PDZD2: variants seen among roughly 807,000 people sequenced by gnomAD.
The protein encoded by PDZD2 is PDZ domain containing 2, also known as PDZ domain-containing protein 2.
In PDZD2, 90 loss-of-function variants were observed where a neutral mutation model predicts 220.7. The observed-to-expected ratio is 0.41, with a 90% CI of 0.34 to 0.49. The LOEUF is 0.49. Among genes scored for constraint, PDZD2 ranks in the 20% least tolerant of loss-of-function variants. PDZD2 has a pLI of 0.28. For missense variants in PDZD2, 3,174 were observed against 3,608.5 expected, an observed-to-expected ratio of 0.88 and a Z score of 3.08; for synonymous variants, 1,375 against 1,450.5, an observed-to-expected ratio of 0.95 and a Z score of 1.18.
chr5:32,052,446 C>T (rs762770314), intron 8 of PDZD2, 165 bp from the exon 9 acceptor site: 12 of 628,854 alleles, frequency 1.9e-5, no homozygotes, highest in Admixed American at 5.2e-5. Context: ...GTGCCCAGCA[C>T]CTGCGATAGT....
intron 2 of PDZD2, among the ~76,000 whole-genome samples, chr5:31,977,373 G>A (rs913963181): frequency 2.0e-5 from 3 of 152,112 alleles, no homozygotes; most frequent in African/African-American, 4.8e-5. Context: ...ATAGAATCCC[G>A]GCATAGATAA....
rs35923957 is a variant in PDZD2, at chr5:32,090,957, A to G, written c.7509A>G (p.Ala2503=). The change falls in exon 20 of 25, where the codon GCA becomes GCG. Residue 2503 remains alanine (A), a synonymous_variant. Transcript: ENST00000438447. The surrounding 1 kb of genome is among the most constrained non-coding windows in gnomAD (Gnocchi z 4.3). ...LDKLCSEDYS[A]GPSAVLFKTE... is the part of the protein sequence containing the mutation. ...AGCTCTGCAGCGAGGATTACTCAGC[A>G]GGGCCGAGCGCCGTGCTCTTCAAAA... The G allele has an allele frequency of 5.4e-3, 8,690 of 1,613,964 alleles. 414 individuals are homozygous for G. In the African/African-American group the frequency reaches 0.1, roughly 19 times the overall value.
chr5:31,646,900 ATTC>A lies in PDZD2; in HGVS notation c.-361+7464_-361+7466del, dbSNP rs1345593606. 8.3e-4 allele frequency among the ~76,000 whole-genome samples: 126 copies of A among 152,310 alleles called. No homozygotes were observed. Among genetic ancestry groups the A allele is most frequent in the African/African-American group, 2.9e-3 (120 of 41,578 alleles). On this transcript the variant is annotated intron_variant, in intron 1 of 24. Coordinates refer to ENST00000438447, the MANE Select transcript of PDZD2 (RefSeq NM_178140.4). This position sits in a 1 kb window ranked among gnomAD's most constrained non-coding sequence, Gnocchi z 4.7. ...GCTCCGAGTGTCCCCATCAGCGTGGATTCCCAAGAGAGAGCAGGCAGTGAGATG... is the reference window on the plus strand; with the variant it reads ...GCTCCGAGTGTCCCCATCAGCGTGGACCAAGAGAGAGCAGGCAGTGAGATG...
intron 1 of PDZD2, among the ~76,000 whole-genome samples, chr5:31,718,874 G>A (rs1438134060): frequency 6.6e-6 from 1 of 151,832 alleles, no homozygotes; most frequent in Non-Finnish European, 1.5e-5. Context: ...GTAATTTTTT[G>A]TATTTTAGTT....
intron 2 of PDZD2, among the ~76,000 whole-genome samples, chr5:31,904,889 T>G (rs938080731): frequency 6.6e-6 from 1 of 152,228 alleles, no homozygotes; most frequent in Non-Finnish European, 1.5e-5. Context: ...ATGTTGCTGC[T>G]TGTGTTTCAA....
chr5:31,702,848 G>A lies in PDZD2; in HGVS notation c.-361+63411G>A, dbSNP rs148597355. 4.3e-3 allele frequency among the ~76,000 whole-genome samples: 649 copies of A among 152,348 alleles called. 6 individuals carry two copies. The highest frequency in any genetic ancestry group is 0.015 in the African/African-American group (620 of 41,588). On this transcript the variant is annotated intron_variant, in intron 1 of 24. Coordinates refer to ENST00000438447, the MANE Select transcript of PDZD2 (RefSeq NM_178140.4). ...AACAGTCCTTTGAAACAAGAGACAT[G>A]TGTTTTTAATAGAATTGCAAGTTTT...
At chr5:31,882,512 G>A (rs1469101644) in intron 2 of PDZD2, among the ~76,000 whole-genome samples, 2 of 152,100 alleles carry the variant, frequency 1.3e-5, no homozygotes, top group Non-Finnish European at 2.9e-5. Flanking sequence ...TATTCCATGT[G>A]GATTATTATC....
intron 2 of PDZD2, among the ~76,000 whole-genome samples, chr5:31,951,325 C>T (rs1405916690): frequency 6.6e-6 from 1 of 152,182 alleles, no homozygotes; most frequent in Non-Finnish European, 1.5e-5. Flanking sequence ...GCCTCAGCCT[C>T]TCAAAATAGT....
intron 6 of PDZD2, among the ~76,000 whole-genome samples, chr5:32,019,682 TA>T: frequency 1.3e-5 from 2 of 152,334 alleles, no homozygotes; most frequent in South Asian, 2.1e-4. Context: ...GAAATACAGT[TA>T]AAAAAATTTC....
At chr5:32,081,308 A>G (rs1174014330) in intron 19 of PDZD2, among the ~76,000 whole-genome samples, 3 of 152,174 alleles carry the variant, frequency 2.0e-5, no homozygotes, top group Admixed American at 1.3e-4. Flanking sequence ...AGGTGCAGCT[A>G]TGTGTCCCTT....
At chr5:32,037,404 G>A in intron 7 of PDZD2, 62 bp downstream of exon 7, 2 of 938,924 alleles carry the variant, frequency 2.1e-6, no homozygotes, top group Non-Finnish European at 3.4e-6. Flanking sequence ...CAGGAGCAGG[G>A]AGATGAAGCC....
intron 1 of PDZD2, among the ~76,000 whole-genome samples, chr5:31,758,207 T>G (rs1041759138): frequency 1.3e-5 from 2 of 152,218 alleles, no homozygotes; most frequent in Non-Finnish European, 2.9e-5. Flanking sequence ...CTTAACTCAT[T>G]TGTATTTTGT....
chr5:32,053,761 G>C lies in PDZD2; in HGVS notation c.1786-8G>C, dbSNP rs779023748. 6.5e-7 allele frequency: 1 copy of C among 1,546,892 alleles called. No homozygotes were observed. Among genetic ancestry groups the C allele is most frequent in the Non-Finnish European group, 8.9e-7 (1 of 1,118,714 alleles). On this transcript the variant is annotated splice_region_variant and splice_polypyrimidine_tract_variant and intron_variant, in intron 9 of 24. Coordinates refer to ENST00000438447, the MANE Select transcript of PDZD2 (RefSeq NM_178140.4). ...GTCAACCTGGACTCTCATCTGCTTC[G>C]GATCTAGGGCCTTGGCTTTAGTATT...
intron 7 of PDZD2, among the ~76,000 whole-genome samples, chr5:32,044,316 C>G (rs1737721632): frequency 6.6e-6 from 1 of 152,044 alleles, no homozygotes; most frequent in African/African-American, 2.4e-5. Context: ...GCAACACCAG[C>G]AGAACTCCGT....
At chr5:31,873,578 T>TTTAA (rs1364909227) in intron 2 of PDZD2, among the ~76,000 whole-genome samples, 11 of 148,814 alleles carry the variant, frequency 7.4e-5, no homozygotes, top group Non-Finnish European at 1.5e-4. Context: ...TATTTATTTA[T>TTTAA]TTAATAAAGC....
chr5:31,683,919 T>G lies in PDZD2; in HGVS notation c.-361+44482T>G, dbSNP rs551501941. Among the ~76,000 whole-genome samples, 12 of 152,282 alleles carry G rather than the reference T, an allele frequency of 7.9e-5. No individual in the cohort carries two copies. The South Asian group carries it at 2.5e-3, about 32-fold the overall frequency. On this transcript the variant is annotated intron_variant, in intron 1 of 24. Coordinates refer to ENST00000438447, the MANE Select transcript of PDZD2 (RefSeq NM_178140.4). Reference sequence around the variant, plus strand: ...GTCCCTAAGAAAGGTTGCACAAATTTACACTCCCACCAAGAGTGTGGGAGA... The same window carrying G: ...GTCCCTAAGAAAGGTTGCACAAATTGACACTCCCACCAAGAGTGTGGGAGA...
chr5:31,995,588 C>T lies in PDZD2; in HGVS notation c.991C>T (p.Arg331Ter). 1.9e-6 allele frequency: 3 copies of T among 1,613,974 alleles called. No homozygotes were observed. Among genetic ancestry groups the T allele is most frequent in the East Asian group, 2.2e-5 (1 of 44,884 alleles). The change falls in exon 4 of 25, where the codon CGA (arginine) becomes TGA (stop). Residue 331 changes from arginine to a stop codon, truncating the protein, a stop_gained. Coordinates refer to ENST00000438447, the MANE Select transcript of PDZD2 (RefSeq NM_178140.4). LOFTEE classifies it high-confidence loss of function. ...SDCLAREEVGRIWKMELLKES... is the reference protein window; with the variant it reads ...SDCLAREEVG ...TTTTTCTTCCAAGGAGGAAGTTGGC[C>T]GAATATGGAAGATGGAGCTGCTCAA...
chr5:32,031,548 A>C (rs1344478463), intron 6 of PDZD2, among the ~76,000 whole-genome samples: 1 of 152,060 alleles, frequency 6.6e-6, no homozygotes, highest in African/African-American at 2.4e-5. Flanking sequence ...AGAAGATGGC[A>C]TGTCTTTGGA....
chr5:31,790,463 C>T (rs1007049003), intron 1 of PDZD2, among the ~76,000 whole-genome samples: 2 of 152,122 alleles, frequency 1.3e-5, no homozygotes, highest in Admixed American at 6.6e-5. Context: ...GGAAGGACAC[C>T]TTTTCTGGGG....
Sources: gnomAD v4.1 joint callset for allele counts (sites outside exome capture counted in the v4.1 genomes callset) on GRCh38, gnomAD v4.1.1 for gene constraint, Gnocchi (gnomAD v3.1) non-coding constraint, MANE v1.5 for transcripts, NCBI Gene and HGNC (gene_info 2026-07-23, HGNC 2026-07-21) for gene names.